The following EP300 variants were observed in gnomAD, a reference collection of about 807,000 sequenced individuals.
EP300 encodes histone acetyltransferase p300.
A neutral mutation model predicts 264.0 loss-of-function variants in EP300; 31 were observed. The ratio of observed to expected loss-of-function variants is 0.12; its 90% CI spans 0.09 to 0.16. The LOEUF is 0.16. EP300 is among the 10% of genes least tolerant of loss of function. The pLI is 1.00. For synonymous variants in EP300, 1,340 were observed against 1,045.4 expected (o/e 1.28, Z -5.44); for missense variants, 2,766 against 3,052.9 (o/e 0.91, Z 2.21).
intron 1 of EP300, among the ~76,000 whole-genome samples, chr22:41,113,154 T>TCCCCCCCC (rs146149759): frequency 7.3e-5 from 5 of 68,330 alleles, no homozygotes; most frequent in Non-Finnish European, 8.7e-5. Flanking sequence ...GAATCAGGAT[T>TCCCCCCCC]CCACCCCCCC....
intron 20 of EP300, among the ~76,000 whole-genome samples, chr22:41,161,520 G>A (rs1434526636): frequency 1.3e-5 from 2 of 152,208 alleles, no homozygotes; most frequent in Non-Finnish European, 2.9e-5. Context: ...GGGAGGCTGA[G>A]GCAGGAGAAC....
At chr22:41,135,143 G>A (rs1280947409) in intron 6 of EP300, among the ~76,000 whole-genome samples, 2 of 152,016 alleles carry the variant, frequency 1.3e-5, no homozygotes, top group Admixed American at 6.6e-5. Flanking sequence ...TTCGTGATCC[G>A]CCCACCTCGG....
chr22:41,135,942 T>C, intron 7 of EP300, 36 bp downstream of exon 7: 2 of 1,405,174 alleles, frequency 1.4e-6, no homozygotes, highest in Non-Finnish European at 2.0e-6. Flanking sequence ...TGGGTCACAT[T>C]ACAAATACTA....
At chr22:41,146,847 A>G (rs2059013710) in intron 11 of EP300, 31 bp downstream of exon 11, 2 of 1,582,204 alleles carry the variant, frequency 1.3e-6, no homozygotes, top group African/African-American at 1.4e-5. Context: ...TTTTATTTTA[A>G]AAGAATCCCC....
intron 22 of EP300, among the ~76,000 whole-genome samples, chr22:41,165,213 GTTC>G (rs1452301860): frequency 2.6e-5 from 4 of 152,074 alleles, no homozygotes; most frequent in Non-Finnish European, 5.9e-5. Context: ...ACTTCTTGTG[GTTC>G]TTCTAATTTA....
At chr22:41,171,080 A>C (rs982803105) in intron 27 of EP300, among the ~76,000 whole-genome samples, 1 of 151,428 alleles carries the variant, frequency 6.6e-6, no homozygotes. Context: ...TATAAGAAAA[A>C]CCAGGTTTTG....
chr22:41,101,367 G>A (rs571929411), intron 1 of EP300, among the ~76,000 whole-genome samples: 1 of 151,536 alleles, frequency 6.6e-6, no homozygotes, highest in Non-Finnish European at 1.5e-5. Context: ...CACAGTGCCT[G>A]GCCAATTAAG....
Position 41,177,826 on chromosome 22 carries a change from A to G in EP300, c.6115A>G (p.Ser2039Gly), listed in dbSNP as rs764896987. Residue 2039 changes from serine to glycine, a missense_variant, in exon 31 of 31, where the codon AGC becomes GGC. Ser to Gly is a moderately conservative substitution (Grantham distance 56, BLOSUM62 0). Coordinates refer to ENST00000263253, the MANE Select transcript of EP300 (RefSeq NM_001429.4). ...PQPGLGQVGI[S>G]PLKPGTVSQQ... is the part of the protein sequence containing the mutation. ...ACCAGGATTGGGCCAGGTAGGTATC[A>G]GCCCACTCAAACCAGGCACTGTGTC... 3.2e-5 allele frequency: 51 copies of G among 1,614,134 alleles called. No individual in the cohort carries two copies. Among genetic ancestry groups the G allele is most frequent in the Non-Finnish European group, 4.2e-5 (49 of 1,180,020 alleles).
intron 1 of EP300, among the ~76,000 whole-genome samples, chr22:41,096,612 C>CTTTT (rs749353769): frequency 1.5e-4 from 16 of 104,438 alleles, no homozygotes; most frequent in East Asian, 2.6e-4. Flanking sequence ...GTCAGCTCTA[C>CTTTT]TTTTTTTTTT....
At chr22:41,117,904 A>G (rs747460603) in intron 2 of EP300, 83 bp downstream of exon 2, 269 of 1,597,560 alleles carry the variant, frequency 1.7e-4, no homozygotes, top group Non-Finnish European at 2.2e-4. Flanking sequence ...CTTACATTGT[A>G]TAGCAGTTTC....
At position 41,177,334 on chromosome 22, in the gene EP300, C is replaced by A. The variant is rs200149159; in HGVS notation, c.5623C>A (p.Pro1875Thr). 6.2e-7 allele frequency: 1 copy of A among 1,614,062 alleles called. No homozygotes were observed. Among genetic ancestry groups the A allele is most frequent in the Admixed American group, 1.7e-5 (1 of 60,004 alleles). The change falls in exon 31 of 31, where the codon CCT becomes ACT. Residue 1875 changes from proline to threonine, a missense_variant. Coordinates refer to ENST00000263253, the MANE Select transcript of EP300 (RefSeq NM_001429.4). ...GCAGACGCCCCAGCCCACTTCTCAG[C>A]CTCAGCCTACCCCTCCCAATAGCAT... ...TPQTPQPTSQ[P>T]QPTPPNSMPP...
chr22:41,172,301 G>A (rs535597636), intron 27 of EP300, among the ~76,000 whole-genome samples, 198 bp from the exon 28 acceptor site: 7 of 152,242 alleles, frequency 4.6e-5, no homozygotes, highest in Admixed American at 6.5e-5. Flanking sequence ...ATAGAAAACC[G>A]GAAATATTGA....
intron 5 of EP300, among the ~76,000 whole-genome samples, chr22:41,130,977 G>A (rs1369704316): frequency 6.6e-6 from 1 of 152,124 alleles, no homozygotes; most frequent in Non-Finnish European, 1.5e-5. Context: ...ATAGAAAATA[G>A]ACAATTCACC....
At chr22:41,116,387 C>G (rs2058821575) in intron 1 of EP300, among the ~76,000 whole-genome samples, 1 of 152,016 alleles carries the variant, frequency 6.6e-6, no homozygotes, top group Admixed American at 6.6e-5. Context: ...CCCAGCAGGC[C>G]CTGGTGTCTG....
Position 41,178,904 on chromosome 22 carries a change from A to T in EP300, c.7193A>T (p.Asp2398Val), listed in dbSNP as rs761212935. 2 of 1,614,132 alleles carry T rather than the reference A, an allele frequency of 1.2e-6. No homozygotes were observed. Among genetic ancestry groups the T allele is most frequent in the African/African-American group, 1.3e-5 (1 of 74,954 alleles). Residue 2398 changes from aspartate to valine, a missense_variant, in exon 31 of 31, where the codon GAT becomes GTT. Coordinates refer to ENST00000263253, the MANE Select transcript of EP300 (RefSeq NM_001429.4). The stretch of plus-strand genomic sequence containing the variant: ...GCCACGGACCTGGGACTCAGCACCG[A>T]TAACTCAGACTTGAATTCAAACCTC... ...ASATDLGLST[D>V]NSDLNSNLSQ...
intron 15 of EP300, 59 bp downstream of exon 15, chr22:41,152,071 T>A: frequency 6.2e-7 from 1 of 1,606,752 alleles, no homozygotes; most frequent in Non-Finnish European, 8.5e-7. Flanking sequence ...GAACCCAAGT[T>A]TTAAAAAATA....
At chr22:41,096,609 CTACT>C (rs1338884661) in intron 1 of EP300, among the ~76,000 whole-genome samples, 7 of 139,138 alleles carry the variant, frequency 5.0e-5, no homozygotes, top group Non-Finnish European at 1.1e-4. Context: ...AATGTCAGCT[CTACT>C]TTTTTTTTTT....
In EP300 at chr22:41,178,221, G is replaced by A. The variant is rs1463124826; in HGVS notation, c.6510G>A (p.Met2170Ile). 4 of 1,613,986 alleles carry A rather than the reference G, an allele frequency of 2.5e-6. No individual in the cohort carries two copies. The highest frequency in any genetic ancestry group is 1.7e-5 in the Admixed American group (1 of 60,014). ...GCCCCCAGGCTCAGCAGATGAACAT[G>A]AACCACAACACCATGCCTTCACAAT... Reference protein sequence around the residue: ...GMSPQAQQMNMNHNTMPSQFR... With the variant: ...GMSPQAQQMNINHNTMPSQFR... Residue 2170 changes from methionine to isoleucine, a missense_variant, in exon 31 of 31, where the codon ATG becomes ATA. Coordinates refer to ENST00000263253, the MANE Select transcript of EP300 (RefSeq NM_001429.4).
At chr22:41,139,227 T>G (rs2058968654) in intron 8 of EP300, among the ~76,000 whole-genome samples, 1 of 152,222 alleles carries the variant, frequency 6.6e-6, no homozygotes, top group South Asian at 2.1e-4. Flanking sequence ...GGGCTGGGAT[T>G]ATAGGCGTTG....
Sources: gnomAD v4.1 joint callset for allele counts (sites outside exome capture counted in the v4.1 genomes callset) on GRCh38, gnomAD v4.1.1 for gene constraint, MANE v1.5 for transcripts, NCBI Gene and HGNC (gene_info 2026-07-23, HGNC 2026-07-21) for gene names.